CKM: variants seen among roughly 807,000 people sequenced by gnomAD.
CKM encodes the protein creatine kinase M-type.
In CKM, 28 loss-of-function variants were observed where a neutral mutation model predicts 35.4. That is an observed-to-expected ratio of 0.79 (90% CI 0.59 to 1.08). The LOEUF is 1.08. Ranked by LOEUF, CKM falls within the 50% of genes least tolerant of loss-of-function variation. The pLI is 0.00. For missense variants in CKM, 484 were observed against 509.8 expected, an observed-to-expected ratio of 0.95 and a Z score of 0.49; for synonymous variants, 215 against 204.4, an observed-to-expected ratio of 1.05 and a Z score of -0.44.
At chr19:45,316,016 C>T (rs1421075269) in intron 3 of CKM, among the ~76,000 whole-genome samples, 1 of 151,242 alleles carries the variant, frequency 6.6e-6, no homozygotes, top group African/African-American at 2.4e-5. Context: ...GTTCGGCTAA[C>T]TTAAAATAAA....
chr19:45,318,079 G>C, intron 2 of CKM, 100 bp from the exon 3 acceptor site: 1 of 979,788 alleles, frequency 1.0e-6, no homozygotes, highest in Non-Finnish European at 1.6e-6. Context: ...TGTCGGGATG[G>C]GGGCGGGTAC....
chr19:45,319,680 G>C lies in CKM; in HGVS notation c.34C>G (p.Leu12Val). Reference protein sequence around the residue: ...PFGNTHNKFKLNYKPEEEYPD... With the variant: ...PFGNTHNKFKVNYKPEEEYPD... ...TACTCCTCCTCAGGCTTGTAATTCA[G>C]CTTGAACTTGTTGTGGGTGTTACCG... Residue 12 changes from leucine (L) to valine (V), a missense_variant, in exon 2 of 8, where the codon CTG becomes GTG. Physicochemically the swap from Leu to Val is conservative, Grantham distance 32. Coordinates refer to ENST00000221476, the MANE Select transcript of CKM (RefSeq NM_001824.5). 3 of 1,614,220 alleles carry C rather than the reference G, an allele frequency of 1.9e-6. No homozygotes were observed. The highest frequency in any genetic ancestry group is 2.5e-6 in the Non-Finnish European group (3 of 1,180,034).
intron 5 of CKM, among the ~76,000 whole-genome samples, chr19:45,310,324 G>A (rs375296472): frequency 6.6e-6 from 1 of 151,876 alleles, no homozygotes; most frequent in Non-Finnish European, 1.5e-5. Context: ...GTTTCACCAT[G>A]TTAGCCAGGA....
intron 3 of CKM, 39 bp from the exon 4 acceptor site, chr19:45,315,636 C>T: frequency 6.3e-7 from 1 of 1,598,468 alleles, no homozygotes; most frequent in Non-Finnish European, 8.5e-7. Context: ...GGCAGATCCT[C>T]CGCCCTCTCC....
intron 5 of CKM, among the ~76,000 whole-genome samples, chr19:45,308,999 G>A (rs1464400630): frequency 6.9e-6 from 1 of 145,808 alleles, no homozygotes; most frequent in Non-Finnish European, 1.5e-5. Flanking sequence ...AGGCCGAGGC[G>A]GGCGGATCAC....
At chr19:45,320,036 G>A (rs141870264) in intron 1 of CKM, among the ~76,000 whole-genome samples, 5,023 of 151,812 alleles carry the variant, frequency 0.033, 343 homozygotes, top group East Asian at 0.27. Context: ...TGATCCGCCC[G>A]CCTCGGCCTC....
chr19:45,315,034 G>A (rs1022438246), intron 4 of CKM, among the ~76,000 whole-genome samples: 1 of 152,096 alleles, frequency 6.6e-6, no homozygotes, highest in African/African-American at 2.4e-5. Context: ...GCTCCCCTCG[G>A]TCATTCTCCA....
At chr19:45,310,624 G>A (rs1375638220) in intron 5 of CKM, among the ~76,000 whole-genome samples, 2 of 152,020 alleles carry the variant, frequency 1.3e-5, no homozygotes, top group African/African-American at 4.8e-5. Flanking sequence ...GTTCAAGTCT[G>A]AGTTCTTATT....
Position 45,307,615 on chromosome 19 carries a change from G to A in CKM, c.813C>T (p.Phe271=). ...EEIFKKAGHP[F]MWNQHLGYVL... is the part of the protein sequence containing the mutation. ...CGTAGCCCAGGTGCTGGTTCCACAT[G>A]AAGGGGTGGCCAGCTTTCTTAAAGA... The change falls in exon 7 of 8, where the codon TTC becomes TTT. Residue 271 remains phenylalanine (F), a synonymous_variant. Transcript: ENST00000221476. 6.2e-7 allele frequency: 1 copy of A among 1,614,136 alleles called. No individual in the cohort carries two copies. Among genetic ancestry groups the A allele is most frequent in the Non-Finnish European group, 8.5e-7 (1 of 1,180,034 alleles).
chr19:45,314,107 A>AAAGGG (rs374184014), intron 4 of CKM, among the ~76,000 whole-genome samples: 1 of 149,174 alleles, frequency 6.7e-6, no homozygotes, highest in Non-Finnish European at 1.5e-5. Context: ...ACGGAGAAGA[A>AAAGGG]AAGGGAAGGG....
intron 4 of CKM, among the ~76,000 whole-genome samples, chr19:45,312,212 GTGC>G (rs1019213058): frequency 6.6e-6 from 1 of 152,218 alleles, no homozygotes; most frequent in African/African-American, 2.4e-5. Context: ...AGGCCACAGT[GTGC>G]TGGTGCCTGC....
At chr19:45,320,067 G>C (rs1286973061) in intron 1 of CKM, among the ~76,000 whole-genome samples, 1 of 151,346 alleles carries the variant, frequency 6.6e-6, no homozygotes, top group African/African-American at 2.4e-5. Flanking sequence ...GGGATTACAG[G>C]CGTGAGCCAC....
intron 2 of CKM, among the ~76,000 whole-genome samples, chr19:45,318,895 CTG>C (rs1449215907): frequency 6.6e-6 from 1 of 150,654 alleles, no homozygotes; most frequent in Non-Finnish European, 1.5e-5. Context: ...GGGTCTCACT[CTG>C]TGGCTGGAGT....
intron 4 of CKM, 36 bp downstream of exon 4, chr19:45,315,429 G>C: frequency 6.3e-7 from 1 of 1,593,004 alleles, no homozygotes; most frequent in Non-Finnish European, 8.5e-7. Flanking sequence ...GCCAGGGCTG[G>C]GTGACCCCAG....
intron 1 of CKM, among the ~76,000 whole-genome samples, chr19:45,321,083 T>G (rs1971209819): frequency 6.6e-6 from 1 of 151,736 alleles, no homozygotes; most frequent in Non-Finnish European, 1.5e-5. Flanking sequence ...TTGGTATTTT[T>G]AGTAGAGTTG....
At chr19:45,321,227 G>A (rs928459060) in intron 1 of CKM, among the ~76,000 whole-genome samples, 16 of 151,966 alleles carry the variant, frequency 1.1e-4, no homozygotes, top group East Asian at 3.9e-4. Flanking sequence ...TTAAAGGTTC[G>A]TGCGAGGAGC....
Position 45,315,574 on chromosome 19 carries a change from G to A in CKM, c.372C>T (p.Asn124=). Residue 124 remains asparagine, a synonymous_variant, in exon 4 of 8, where the codon AAC becomes AAT. Coordinates refer to ENST00000221476, the MANE Select transcript of CKM (RefSeq NM_001824.5). The part of the protein sequence containing the change: ...NLKGGDDLDP[N]YVLSSRVRTG... ...TGCGGACGCGGCTGCTGAGCACGTA[G>A]TTAGGGTCCAGGTCGTCTCCACCCT... 6.2e-7 allele frequency: 1 copy of A among 1,604,602 alleles called. No homozygotes were observed. Among genetic ancestry groups the A allele is most frequent in the South Asian group, 1.1e-5 (1 of 91,076 alleles).
In CKM at chr19:45,311,792, CCAG is replaced by C; in HGVS notation, c.607_609del (p.Leu203del). The C allele has an allele frequency of 2.5e-6, 4 of 1,606,168 alleles. No individual in the cohort carries two copies. The highest frequency in any genetic ancestry group is 3.4e-6 in the Non-Finnish European group (4 of 1,176,466). On this transcript the variant is annotated inframe_deletion, in exon 5 of 8. Transcript: ENST00000221476. ...GGCCAGTCGCGGGCCATGCCTGAGGCCAGCAGCAGCGGGGACACGGGCTTGTCG... is the reference window on the plus strand; with the variant it reads ...GGCCAGTCGCGGGCCATGCCTGAGGCCAGCAGCGGGGACACGGGCTTGTCG...
intron 6 of CKM, 46 bp downstream of exon 6, chr19:45,308,363 C>T (rs1381954191): frequency 6.2e-7 from 1 of 1,612,586 alleles, no homozygotes; most frequent in Non-Finnish European, 8.5e-7. Context: ...GCAGGTGGGG[C>T]GTTCAAGGTG....
Sources: allele counts gnomAD v4.1 joint callset (sites outside exome capture counted in the v4.1 genomes callset), GRCh38; gene constraint gnomAD v4.1.1; transcripts MANE v1.5; gene names NCBI Gene and HGNC (gene_info 2026-07-23, HGNC 2026-07-21).